Variants in FAT1 observed in about 807,000 individuals in gnomAD.
FAT1 encodes the protein protocadherin Fat 1.
FAT1 carries 171 observed loss-of-function variants against 329.8 expected under a neutral mutation model. That is an observed-to-expected ratio of 0.52 (90% CI 0.46 to 0.59). The LOEUF is 0.59. Among genes scored for constraint, FAT1 ranks in the 20% least tolerant of loss-of-function variants. The pLI, the probability that FAT1 is intolerant of heterozygous loss-of-function variation, is 0.00. For synonymous variants in FAT1, 2,233 were observed against 2,228.6 expected, an observed-to-expected ratio of 1.00 and a Z score of -0.06; for missense variants, 5,672 against 5,774.4, an observed-to-expected ratio of 0.98 and a Z score of 0.57.
intron 2 of FAT1, among the ~76,000 whole-genome samples, chr4:186,671,813 T>TG (rs1742745184): frequency 6.6e-6 from 1 of 152,130 alleles, no homozygotes; most frequent in Non-Finnish European, 1.5e-5. Context: ...CGTGTGTGTG[T>TG]GTGGTGTGTG....
At chr4:186,645,768 A>C (rs942958565) in intron 3 of FAT1, among the ~76,000 whole-genome samples, 2 of 151,750 alleles carry the variant, frequency 1.3e-5, no homozygotes, top group East Asian at 3.9e-4. Flanking sequence ...CAACATGGAG[A>C]AACCCCATCT....
At position 186,613,277 on chromosome 4, in the gene FAT1, C is replaced by T. The variant is rs372739224; in HGVS notation, c.9295G>A (p.Ala3099Thr). Reference sequence around the variant, plus strand: ...CAGAATCTTCCTCCTCCATCTGTGGCCCTGACGAGAAGATGATAAACAGCT... The same window carrying T: ...CAGAATCTTCCTCCTCCATCTGTGGTCCTGACGAGAAGATGATAAACAGCT... ...EQAVYHLLVRATDGGGRFCQA... is the reference protein window; with the variant it reads ...EQAVYHLLVRTTDGGGRFCQA... Residue 3099 changes from alanine to threonine, a missense_variant, in exon 13 of 27, where the codon GCC becomes ACC. Ala to Thr is a moderately conservative substitution (Grantham distance 58). Transcript: ENST00000441802. 3.3e-5 allele frequency: 53 copies of T among 1,613,866 alleles called. No homozygotes were observed. Among genetic ancestry groups the T allele is most frequent in the Non-Finnish European group, 4.3e-5 (51 of 1,179,884 alleles).
rs968604902 is a variant in FAT1, at chr4:186,723,856, C to T, written c.-211G>A. 3 of 139,638 alleles carry T rather than the reference C, an allele frequency of 2.1e-5. No homozygotes were observed. Among genetic ancestry groups the T allele is most frequent in the African/African-American group, 8.5e-5 (3 of 35,244 alleles). 8.6% of individuals were successfully genotyped at this position (139,638 alleles called of 1,614,324 possible). A position where few individuals can be genotyped will look rare whatever the true frequency, so the allele number is the denominator to read the frequency against. The stretch of plus-strand genomic sequence containing the variant: ...CAGCTCGGCGCCGGCGCCTCACGCT[C>T]CCCGAGCGCAGGAGATCCCTCCGCC... On this transcript the variant is annotated 5_prime_UTR_variant, in exon 1 of 27. Transcript: ENST00000441802.
intron 3 of FAT1, among the ~76,000 whole-genome samples, chr4:186,642,830 T>C (rs1056914762): frequency 6.6e-6 from 1 of 151,972 alleles, no homozygotes; most frequent in Non-Finnish European, 1.5e-5. Context: ...GTAGAGAAAA[T>C]AGCGGGCCGA....
At position 186,621,788 on chromosome 4, in the gene FAT1, G is replaced by A; in HGVS notation, c.4811-13C>T. 5 of 1,502,204 alleles carry A rather than the reference G, an allele frequency of 3.3e-6. No homozygotes were observed. The highest frequency in any genetic ancestry group is 2.3e-5 in the Admixed American group (1 of 42,742). 93.1% of individuals were successfully genotyped at this position (1,502,204 alleles called of 1,614,324 possible). A position where few individuals can be genotyped will look rare whatever the true frequency, so the allele number is the denominator to read the frequency against. ...TTTCCAATATTTCCTGGAAGGAGAG[G>A]AAAAAATACATGTTACAGAAAAACA... On this transcript the variant is annotated splice_polypyrimidine_tract_variant and intron_variant, in intron 9 of 26. Coordinates refer to ENST00000441802, the MANE Select transcript of FAT1 (RefSeq NM_005245.4).
chr4:186,691,076 G>A (rs760949928), intron 2 of FAT1, among the ~76,000 whole-genome samples: 1 of 152,080 alleles, frequency 6.6e-6, no homozygotes, highest in South Asian at 2.1e-4. Flanking sequence ...AAAAAATAAC[G>A]AGTAACGGTA....
At chr4:186,590,065 T>C (rs1738161019) in intron 26 of FAT1, among the ~76,000 whole-genome samples, 1 of 152,048 alleles carries the variant, frequency 6.6e-6, no homozygotes, top group Admixed American at 6.5e-5. Context: ...TAACAATCAA[T>C]CTGTGTTACT....
In FAT1 at chr4:186,618,009, G is replaced by A. The variant is rs778088126; in HGVS notation, c.8577C>T (p.Ser2859=). The A allele has an allele frequency of 3.1e-6, 5 of 1,614,014 alleles. No individual in the cohort carries two copies. The highest frequency in any genetic ancestry group is 3.4e-6 in the Non-Finnish European group (4 of 1,179,896). Residue 2859 remains serine, a synonymous_variant, in exon 10 of 27, where the codon TCC becomes TCT. Transcript: ENST00000441802. ...DQSQSVEVIE[S]FAINMETGWI... is the part of the protein sequence containing the mutation. ...AGCCTGTTTCCATGTTAATGGCAAA[G>A]GATTCAATGACTTCCACACTTTGTG...
intron 2 of FAT1, among the ~76,000 whole-genome samples, chr4:186,697,410 G>A (rs917289273): frequency 2.0e-5 from 3 of 152,214 alleles, no homozygotes; most frequent in Admixed American, 6.5e-5. Context: ...TCCAGAAACC[G>A]ATCCCCATGC....
intron 3 of FAT1, among the ~76,000 whole-genome samples, chr4:186,649,323 C>A (rs1486569152): frequency 6.6e-6 from 1 of 152,140 alleles, no homozygotes; most frequent in Non-Finnish European, 1.5e-5. Flanking sequence ...ATATACATTT[C>A]CATTGAACAG....
At chr4:186,678,623 A>G (rs1203189682) in intron 2 of FAT1, among the ~76,000 whole-genome samples, 1 of 148,744 alleles carries the variant, frequency 6.7e-6, no homozygotes, top group Non-Finnish European at 1.5e-5. Flanking sequence ...ATATGTTATT[A>G]ATATATTATT....
intron 2 of FAT1, among the ~76,000 whole-genome samples, chr4:186,684,460 T>C (rs374443549): frequency 4.7e-4 from 71 of 152,278 alleles, no homozygotes; most frequent in Admixed American, 5.9e-4. Flanking sequence ...GACCATGAAC[T>C]GTGCTCCTCC....
At position 186,619,937 on chromosome 4, in the gene FAT1, T is replaced by C. The variant is rs1379240362; in HGVS notation, c.6649A>G (p.Ser2217Gly). ...NSPEGLKVFYSITDGDPFSQF... is the reference protein window; with the variant it reads ...NSPEGLKVFYGITDGDPFSQF... ...CTGAAAGGGTCTCCGTCTGTGATGC[T>C]GTAGAACACTTTCAGGCCTTCCGGG... The change falls in exon 10 of 27, where the codon AGC becomes GGC. Residue 2217 changes from serine (S) to glycine (G), a missense_variant. By Grantham distance (56) the Ser-to-Gly change is moderately conservative. Coordinates refer to ENST00000441802, the MANE Select transcript of FAT1 (RefSeq NM_005245.4). 1 of 1,614,040 alleles carries C rather than the reference T, an allele frequency of 6.2e-7. No homozygotes were observed. The highest frequency in any genetic ancestry group is 2.2e-5 in the East Asian group (1 of 44,876).
At position 186,628,255 on chromosome 4, in the gene FAT1, C is replaced by T. The variant is rs562017880; in HGVS notation, c.4709G>A (p.Arg1570Gln). 5.7e-5 allele frequency: 92 copies of T among 1,613,932 alleles called. No homozygotes were observed. Among genetic ancestry groups the T allele is most frequent in the African/African-American group, 1.3e-4 (10 of 75,048 alleles). Residue 1570 changes from arginine to glutamine, a missense_variant, in exon 9 of 27, where the codon CGG becomes CAG. Arg to Gln is a conservative substitution (Grantham distance 43, BLOSUM62 1). This residue lies in a region of FAT1 where 3,966 missense variants were observed against 3,915.2 expected (regional missense o/e 1.01). Transcript: ENST00000441802. The part of the protein sequence containing the change: ...PWFTASSYKG[R>Q]VYESAAVGSV... ...GCCAACGGCTGCCGATTCATAAACCCGCCCTTTGTAGGAGGAAGCGGTGAA... is the reference window on the plus strand; with the variant it reads ...GCCAACGGCTGCCGATTCATAAACCTGCCCTTTGTAGGAGGAAGCGGTGAA...
rs912849839 is a variant in FAT1 at position 186,619,569 on chromosome 4, A to G, written c.7017T>C (p.Thr2339=). ...GGGTTCTGAGTAGTGAGATGAGGCC[A>G]GTGCTGCTGTCTACATGAAAATGAT... The part of the protein sequence containing the change: ...SHDHFHVDSS[T]GLISLLRTLD... The change falls in exon 10 of 27, where the codon ACT becomes ACC. Residue 2339 remains threonine, a synonymous_variant. Coordinates refer to ENST00000441802, the MANE Select transcript of FAT1 (RefSeq NM_005245.4). 6.2e-7 allele frequency: 1 copy of G among 1,613,854 alleles called. No homozygotes were observed. The highest frequency in any genetic ancestry group is 1.3e-5 in the African/African-American group (1 of 74,936).
Position 186,604,293 on chromosome 4 carries a change from G to A in FAT1, c.10548+84C>T, listed in dbSNP as rs988226061. The stretch of plus-strand genomic sequence containing the variant: ...AAGTTTGTTTTTGTATGAAATGTAA[G>A]CTGTTCAAATAGAAGAGGGGAACCA... On this transcript the variant is annotated intron_variant, in intron 18 of 26. Transcript: ENST00000441802. 4.4e-6 allele frequency: 5 copies of A among 1,134,682 alleles called. No homozygotes were observed. The South Asian group carries it at 6.1e-5, about 14-fold the overall frequency. The allele number at this position is 1,134,682 out of a possible 1,614,324, so 70.3% of individuals were successfully genotyped here.
At chr4:186,623,744 T>C (rs1053793851) in intron 9 of FAT1, among the ~76,000 whole-genome samples, 5 of 152,222 alleles carry the variant, frequency 3.3e-5, no homozygotes, top group Non-Finnish European at 7.3e-5. Context: ...CAGTGTCTGA[T>C]GCATCCTCTC....
intron 7 of FAT1, 125 bp downstream of exon 7, chr4:186,633,559 T>C: frequency 1.1e-6 from 1 of 919,572 alleles, no homozygotes; most frequent in Non-Finnish European, 1.7e-6. Context: ...AGTGTGCATG[T>C]GTGTAAACTT....
chr4:186,641,200 C>T (rs149540712), intron 3 of FAT1, among the ~76,000 whole-genome samples: 28 of 152,216 alleles, frequency 1.8e-4, no homozygotes, highest in African/African-American at 5.3e-4. Flanking sequence ...CACAATTCAA[C>T]GAAACAGTGT....
Sources: allele counts gnomAD v4.1 joint callset (sites outside exome capture counted in the v4.1 genomes callset), GRCh38; gene constraint gnomAD v4.1.1; regional missense constraint gnomAD v4.1.1; transcripts MANE v1.5; gene names NCBI Gene and HGNC (gene_info 2026-07-23, HGNC 2026-07-21).